Variants in ELMOD2 observed in about 807,000 individuals in gnomAD.
ELMOD2 encodes the protein ELMO domain containing 2, also known as ELMO domain-containing protein 2.
Under a neutral mutation model 41.0 loss-of-function variants are expected in ELMOD2, and 28 were observed. The observed-to-expected ratio is 0.68, with a 90% CI of 0.51 to 0.94. The LOEUF is 0.94. ELMOD2 is among the 40% of genes least tolerant of loss of function. The probability of loss-of-function intolerance (pLI) is 0.00; values close to 1 mark genes in which losing one functional copy is unlikely to be tolerated. For missense variants in ELMOD2, 333 were observed against 343.1 expected (o/e 0.97, Z 0.23); for synonymous variants, 106 against 107.2 (o/e 0.99, Z 0.07).
chr4:140,544,662 C>T (rs551522296), intron 8 of ELMOD2, among the ~76,000 whole-genome samples: 1 of 152,170 alleles, frequency 6.6e-6, no homozygotes, highest in Admixed American at 6.6e-5. Context: ...CCCCTCTCAC[C>T]CCCACAGACT....
At chr4:140,544,934 G>GT (rs534476073) in intron 8 of ELMOD2, among the ~76,000 whole-genome samples, 2 of 152,254 alleles carry the variant, frequency 1.3e-5, no homozygotes, top group South Asian at 4.1e-4. Context: ...ACTGCATTTG[G>GT]TGAGGAGCTG....
At chr4:140,524,471 CT>C in intron 1 of ELMOD2, 191 bp downstream of exon 1, 1 of 458,626 alleles carries the variant, frequency 2.2e-6, no homozygotes, top group Non-Finnish European at 2.9e-6. Flanking sequence ...GCCCAGAGCC[CT>C]GGGGTGCTCA....
At chr4:140,545,949 C>G (rs1735262909) in intron 8 of ELMOD2, among the ~76,000 whole-genome samples, 1 of 152,114 alleles carries the variant, frequency 6.6e-6, no homozygotes, top group Non-Finnish European at 1.5e-5. Context: ...GGATCTAGAA[C>G]TAGAAATACC....
At chr4:140,544,546 G>A (rs542617826) in intron 8 of ELMOD2, among the ~76,000 whole-genome samples, 4 of 151,994 alleles carry the variant, frequency 2.6e-5, no homozygotes, top group Admixed American at 1.3e-4. Flanking sequence ...AAATCTGATC[G>A]TTTTACTCCA....
intron 3 of ELMOD2, among the ~76,000 whole-genome samples, chr4:140,529,143 G>A (rs1734661234): frequency 6.6e-6 from 1 of 152,202 alleles, no homozygotes; most frequent in Non-Finnish European, 1.5e-5. Context: ...GTCTGGTTCT[G>A]ATTGCATTTC....
At chr4:140,524,644 T>A in intron 1 of ELMOD2, 1 of 985,516 alleles carries the variant, frequency 1.0e-6, no homozygotes, top group Non-Finnish European at 1.2e-6. Flanking sequence ...CAGTCCCTCC[T>A]CAGGCCCTAG....
chr4:140,537,289 T>C (rs1734958338), intron 4 of ELMOD2, 123 bp from the exon 5 acceptor site: 5 of 807,668 alleles, frequency 6.2e-6, no homozygotes, highest in Non-Finnish European at 8.8e-6. Context: ...TGGCCTTTGG[T>C]GGGTCTTATA....
chr4:140,537,119 A>G (rs945481705), intron 4 of ELMOD2, among the ~76,000 whole-genome samples: 4 of 152,200 alleles, frequency 2.6e-5, no homozygotes, highest in Non-Finnish European at 5.9e-5. Flanking sequence ...ATATCTGGCA[A>G]TAAAGATTTA....
chr4:140,543,188 T>C (rs930544620), intron 7 of ELMOD2, among the ~76,000 whole-genome samples: 2 of 151,952 alleles, frequency 1.3e-5, no homozygotes, highest in African/African-American at 4.8e-5. Context: ...CCCTGACCCC[T>C]TTTTTATTTA....
Position 140,527,490 on chromosome 4 carries a change from A to G in ELMOD2, c.167A>G (p.Asn56Ser). ...GAAAATTCCTTGACATACTCCAAGAATAAGGTAGGATAACATAAAGGTGGT... is the reference window on the plus strand; with the variant it reads ...GAAAATTCCTTGACATACTCCAAGAGTAAGGTAGGATAACATAAAGGTGGT... The part of the protein sequence containing the change: ...RIENSLTYSK[N>S]KVLQKATHVV... The change falls in exon 3 of 9, where the codon AAT becomes AGT. Residue 56 changes from asparagine to serine, a missense_variant. Asn to Ser is a conservative substitution (Grantham distance 46). Coordinates refer to ENST00000323570, the MANE Select transcript of ELMOD2 (RefSeq NM_153702.4). The G allele has an allele frequency of 6.3e-7, 1 of 1,578,838 alleles. No homozygotes were observed. Among genetic ancestry groups the G allele is most frequent in the African/African-American group, 1.4e-5 (1 of 72,050 alleles).
At chr4:140,527,622 G>A (rs1734612881) in intron 3 of ELMOD2, 128 bp downstream of exon 3, 2 of 709,552 alleles carry the variant, frequency 2.8e-6, no homozygotes, top group African/African-American at 3.7e-5. Flanking sequence ...TCCCCGTTTA[G>A]AGGTAATATT....
At chr4:140,548,395 A>G (rs1437954940) in intron 8 of ELMOD2, among the ~76,000 whole-genome samples, 1 of 152,176 alleles carries the variant, frequency 6.6e-6, no homozygotes, top group South Asian at 2.1e-4. Context: ...GATTTTACCC[A>G]TATATCATGG....
chr4:140,546,233 A>G (rs997035217), intron 8 of ELMOD2, among the ~76,000 whole-genome samples: 1 of 152,146 alleles, frequency 6.6e-6, no homozygotes, highest in Admixed American at 6.5e-5. Flanking sequence ...AACTATCGCA[A>G]GGACAGAAAA....
chr4:140,538,638 GA>G (rs1735007024), intron 5 of ELMOD2, among the ~76,000 whole-genome samples: 1 of 151,996 alleles, frequency 6.6e-6, no homozygotes, highest in African/African-American at 2.4e-5. Context: ...CCTTTTGAGG[GA>G]AAAAAGTACA....
intron 6 of ELMOD2, among the ~76,000 whole-genome samples, chr4:140,541,177 A>G (rs1735095052): frequency 6.6e-6 from 1 of 152,234 alleles, no homozygotes; most frequent in African/African-American, 2.4e-5. Context: ...AGGATATGCA[A>G]ATGTACAAAT....
intron 3 of ELMOD2, among the ~76,000 whole-genome samples, chr4:140,535,137 T>TTCTC (rs10526729): frequency 2.1e-4 from 30 of 141,506 alleles, no homozygotes; most frequent in African/African-American, 7.4e-4. Flanking sequence ...ATCTGTTTCT[T>TTCTC]TCTCTCTCTC....
chr4:140,529,932 G>A (rs1182684270), intron 3 of ELMOD2, among the ~76,000 whole-genome samples: 1 of 151,974 alleles, frequency 6.6e-6, no homozygotes, highest in African/African-American at 2.4e-5. Flanking sequence ...AAAAGGCATT[G>A]TTTATTTTTT....
intron 6 of ELMOD2, among the ~76,000 whole-genome samples, chr4:140,541,397 C>A (rs1347892209): frequency 6.6e-6 from 1 of 151,750 alleles, no homozygotes; most frequent in African/African-American, 2.4e-5. Context: ...TAACTAAATT[C>A]AGGAAGGAAA....
Position 140,550,218 on chromosome 4 carries a change from C to A in ELMOD2, c.737-12C>A. 6.2e-7 allele frequency: 1 copy of A among 1,600,824 alleles called. No homozygotes were observed. Among genetic ancestry groups the A allele is most frequent in the South Asian group, 1.1e-5 (1 of 89,552 alleles). ...ATTGAGGATTAAATGTTTTGTTTTT[C>A]TTTAACTGCAGGTTATCTTGTCTAT... On this transcript the variant is annotated splice_polypyrimidine_tract_variant and intron_variant, in intron 8 of 8. Transcript: ENST00000323570.
Sources: allele counts gnomAD v4.1 joint callset (sites outside exome capture counted in the v4.1 genomes callset), GRCh38; gene constraint gnomAD v4.1.1; transcripts MANE v1.5; gene names NCBI Gene and HGNC (gene_info 2026-07-23, HGNC 2026-07-21).